Variants in TNFSF4 observed in about 807,000 individuals in gnomAD.
TNFSF4 encodes tumor necrosis factor ligand superfamily member 4.
TNFSF4 carries 4 observed loss-of-function variants against 7.3 expected under a neutral mutation model. That is an observed-to-expected ratio of 0.55 (90% CI 0.27 to 1.25). The LOEUF (loss-of-function observed/expected upper bound fraction) is 1.25, where lower values mean the gene tolerates loss of function less well. Among genes scored for constraint, TNFSF4 ranks in the 50% most tolerant of loss-of-function variants. The pLI is 0.12. For synonymous variants in TNFSF4, 76 were observed against 83.7 expected (o/e 0.91, Z 0.50); for missense variants, 181 against 208.8 (o/e 0.87, Z 0.82).
chr1:173,229,396 A>G, the TNFSF4 span, among the ~76,000 whole-genome samples: 1 of 152,256 alleles, frequency 6.6e-6, no homozygotes, highest in Non-Finnish European at 1.5e-5. Flanking sequence ...AGATTTTGTC[A>G]GAACCAGGCC....
chr1:173,376,273 G>T, the TNFSF4 span, among the ~76,000 whole-genome samples: 1 of 152,212 alleles, frequency 6.6e-6, no homozygotes, highest in Non-Finnish European at 1.5e-5. Context: ...AAAAGGAGGA[G>T]TTCGTGTCCT....
At chr1:173,302,503 G>T in the TNFSF4 span, among the ~76,000 whole-genome samples, 1 of 151,808 alleles carries the variant, frequency 6.6e-6, no homozygotes, top group Admixed American at 6.6e-5. Context: ...TCTCATTCCC[G>T]TTTTATAGAT....
intron 1 of TNFSF4, among the ~76,000 whole-genome samples, chr1:173,206,281 T>A (rs921881020): frequency 2.5e-4 from 38 of 152,214 alleles, no homozygotes; most frequent in Middle Eastern, 6.8e-3. Flanking sequence ...TCTGAACTAC[T>A]GAATAAGAAA....
chr1:173,195,944 G>T (rs11807842), intron 1 of TNFSF4, among the ~76,000 whole-genome samples: 2 of 152,224 alleles, frequency 1.3e-5, no homozygotes, highest in Admixed American at 6.5e-5. Context: ...TCTCCTCCCC[G>T]CACCTTGGGC....
the TNFSF4 span, among the ~76,000 whole-genome samples, chr1:173,380,618 G>A: frequency 6.6e-6 from 1 of 152,094 alleles, no homozygotes; most frequent in Non-Finnish European, 1.5e-5. Flanking sequence ...GGGACACCCT[G>A]CAGCAGCGTC....
chr1:173,238,456 A>AAAAAATAACAGATGCTCAT, the TNFSF4 span, among the ~76,000 whole-genome samples: 8 of 152,172 alleles, frequency 5.3e-5, no homozygotes, highest in Non-Finnish European at 7.4e-5. Context: ...AGAAACTGTC[A>AAAAAATAACAGATGCTCAT]GAGTAAACAG....
the TNFSF4 span, among the ~76,000 whole-genome samples, chr1:173,230,011 T>G: frequency 6.6e-6 from 1 of 151,944 alleles, no homozygotes; most frequent in South Asian, 2.1e-4. Flanking sequence ...ACTGTCAACA[T>G]TAGACAGGTC....
the TNFSF4 span, among the ~76,000 whole-genome samples, chr1:173,413,681 T>G: frequency 3.3e-5 from 5 of 152,124 alleles, no homozygotes; most frequent in African/African-American, 1.2e-4. Flanking sequence ...CACGCCCCAT[T>G]CTAAGGTGTG....
the TNFSF4 span, among the ~76,000 whole-genome samples, chr1:173,345,626 G>T: frequency 6.6e-6 from 1 of 152,242 alleles, no homozygotes; most frequent in African/African-American, 2.4e-5. Context: ...AATCTGATCA[G>T]ATAGCAAGGG....
At chr1:173,378,835 G>C in the TNFSF4 span, among the ~76,000 whole-genome samples, 15,574 of 150,444 alleles carry the variant, frequency 0.1, 943 homozygotes, top group Middle Eastern at 0.16. Context: ...CGCCCATAAG[G>C]AAATAAGCAA....
At chr1:173,209,103 C>T (rs1370411163), upstream of TNFSF4, among the ~76,000 whole-genome samples, 2 of 152,088 alleles carry the variant, frequency 1.3e-5, no homozygotes, top group African/African-American at 4.8e-5. Context: ...TTGGATGACA[C>T]ACCTCTCATT....
chr1:173,186,703 T>C lies in TNFSF4; in HGVS notation c.365A>G (p.Asp122Gly), dbSNP rs1649241984. The change falls in exon 3 of 3, where the codon GAT (aspartate) becomes GGT (glycine). Residue 122 changes from aspartate to glycine, a missense_variant. Physicochemically the swap from Asp to Gly is moderately conservative, Grantham distance 94. Coordinates refer to ENST00000281834, the MANE Select transcript of TNFSF4 (RefSeq NM_003326.5). The part of the protein sequence containing the change: ...EVNISLHYQK[D>G]EEPLFQLKKV... ...CTTCAGTTGGAAGAGGGGCTCCTCA[T>C]CCTTCTGGTAATGAAGGCTAATGTT... The C allele has an allele frequency of 6.2e-7, 1 of 1,614,136 alleles. No individual in the cohort carries two copies. The highest frequency in any genetic ancestry group is 1.1e-5 in the South Asian group (1 of 91,084).
At chr1:173,216,425 C>G in the TNFSF4 span, among the ~76,000 whole-genome samples, 1 of 152,236 alleles carries the variant, frequency 6.6e-6, no homozygotes, top group South Asian at 2.1e-4. Flanking sequence ...CACCACATTC[C>G]TTCCCCCAAA....
the TNFSF4 span, among the ~76,000 whole-genome samples, chr1:173,265,698 C>G: frequency 2.8e-4 from 42 of 152,266 alleles, no homozygotes; most frequent in African/African-American, 9.9e-4. Flanking sequence ...CAAAGGACAG[C>G]TGAAATCCAA....
At chr1:173,435,701 C>T in the TNFSF4 span, among the ~76,000 whole-genome samples, 1 of 152,196 alleles carries the variant, frequency 6.6e-6, no homozygotes, top group Non-Finnish European at 1.5e-5. Context: ...TTTAAAATTT[C>T]TTATTAACAG....
At chr1:173,421,248 G>A in the TNFSF4 span, among the ~76,000 whole-genome samples, 1 of 152,070 alleles carries the variant, frequency 6.6e-6, no homozygotes, top group African/African-American at 2.4e-5. Flanking sequence ...TATTTTATGG[G>A]ACATATTTAC....
the TNFSF4 span, among the ~76,000 whole-genome samples, chr1:173,324,895 A>G: frequency 0.45 from 69,032 of 151,964 alleles, 17,297 homozygotes; most frequent in East Asian, 0.72. Flanking sequence ...AGAGACTTAG[A>G]CTCCCACACA....
chr1:173,394,588 T>A, the TNFSF4 span, among the ~76,000 whole-genome samples: 1 of 152,182 alleles, frequency 6.6e-6, no homozygotes, highest in Non-Finnish European at 1.5e-5. Context: ...ATTGGCATTG[T>A]CCAATCTATT....
the TNFSF4 span, chr1:173,363,149 ACTGTG>A: frequency 3.1e-6 from 1 of 324,994 alleles, no homozygotes; most frequent in East Asian, 8.5e-5. Context: ...AAGGGCCTGC[ACTGTG>A]GAAAGTTATA....
Sources: gnomAD v4.1 joint callset for allele counts (sites outside exome capture counted in the v4.1 genomes callset) on GRCh38, gnomAD v4.1.1 for gene constraint, MANE v1.5 for transcripts, NCBI Gene and HGNC (gene_info 2026-07-23, HGNC 2026-07-21) for gene names.